ZKSCAN1: variants seen among roughly 807,000 people sequenced by gnomAD.
ZKSCAN1 encodes the protein zinc finger protein with KRAB and SCAN domains 1.
In ZKSCAN1, 14 loss-of-function variants were observed where a neutral mutation model predicts 51.6. That is an observed-to-expected ratio of 0.27 (90% confidence interval 0.18 to 0.42). The LOEUF is 0.42. Among genes scored for constraint, ZKSCAN1 ranks in the 10% least tolerant of loss-of-function variants. ZKSCAN1 has a pLI of 1.00. For synonymous variants in ZKSCAN1, 263 were observed against 261.5 expected, an observed-to-expected ratio of 1.01 and a Z score of -0.06; for missense variants, 531 against 710.0, an observed-to-expected ratio of 0.75 and a Z score of 2.86.
At chr7:100,016,880 C>T (rs910156202) in intron 1 of ZKSCAN1, 1 of 152,140 alleles carries the variant, frequency 6.6e-6, no homozygotes, top group African/African-American at 2.4e-5. Flanking sequence ...GTGGAGAAAT[C>T]GCTGTTTTAC....
rs2115977619 is a variant in ZKSCAN1 at position 100,038,482 on chromosome 7, G to A, written c.*4285G>A. The A allele has an allele frequency of 1.0e-6, 1 of 985,422 alleles. No homozygotes were observed. Among genetic ancestry groups the A allele is most frequent in the Middle Eastern group, 5.2e-4 (1 of 1,914 alleles). The allele number at this position is 985,422 out of a possible 1,614,324, so 61.0% of individuals were successfully genotyped here. A position where few individuals can be genotyped will look rare whatever the true frequency, so the allele number is the denominator to read the frequency against. On this transcript the variant is annotated 3_prime_UTR_variant, in exon 6 of 6. Coordinates refer to ENST00000324306, the MANE Select transcript of ZKSCAN1 (RefSeq NM_003439.4). ...ATGGAACAACTCCTTTAAACGTGCA[G>A]CCTTTTGAATTTTTCCTCAAAACCA...
chr7:100,042,995 T>C (rs1238421957), downstream of ZKSCAN1, among the ~76,000 whole-genome samples: 1 of 151,352 alleles, frequency 6.6e-6, no homozygotes, highest in African/African-American at 2.4e-5. Context: ...AGAGACGGGG[T>C]TTCATAGTGT....
In ZKSCAN1 at chr7:100,023,579, A is replaced by G. The variant is rs1192884873; in HGVS notation, c.73A>G (p.Ile25Val). ...QAAQEKDGIV[I>V]VKVEEEDEED... ...TGCACAGGAGAAGGATGGTATCGTA[A>G]TAGTGAAGGTGGAAGAGGAAGATGA... The change falls in exon 2 of 6, where the codon ATA becomes GTA. Residue 25 changes from isoleucine (I) to valine (V), a missense_variant. Coordinates refer to ENST00000324306, the MANE Select transcript of ZKSCAN1 (RefSeq NM_003439.4). The G allele has an allele frequency of 6.2e-7, 1 of 1,613,820 alleles. No homozygotes were observed.
rs375690931 is a variant in ZKSCAN1 at position 100,040,900 on chromosome 7, A to G, written c.*6703A>G. 2.0e-6 allele frequency: 2 copies of G among 983,156 alleles called. No individual in the cohort carries two copies. The highest frequency in any genetic ancestry group is 1.8e-5 in the African/African-American group (1 of 56,984). The allele number at this position is 983,156 out of a possible 1,614,324, so 60.9% of individuals were successfully genotyped here. ...CAGGGGTTCTTATTTGAAAACATCTATGATGGGGGTGGGGTGGGAGGAGAC... is the reference window on the plus strand; with the variant it reads ...CAGGGGTTCTTATTTGAAAACATCTGTGATGGGGGTGGGGTGGGAGGAGAC... On this transcript the variant is annotated 3_prime_UTR_variant, in exon 6 of 6. Coordinates refer to ENST00000324306, the MANE Select transcript of ZKSCAN1 (RefSeq NM_003439.4).
At chr7:100,020,834 G>A (rs1243726713) in intron 1 of ZKSCAN1, among the ~76,000 whole-genome samples, 1 of 152,122 alleles carries the variant, frequency 6.6e-6, no homozygotes, top group East Asian at 1.9e-4. Context: ...TCAATTTGAT[G>A]CTTAGTTTTG....
At position 100,021,734 on chromosome 7, in the gene ZKSCAN1, G is replaced by A. The variant is rs184682703; in HGVS notation, c.-88-1685G>A. ...TCCTGTAATTGCAGTTTCTCTATAA[G>A]AATCTTTTTTTTTTTTTTTTTCCTT... On this transcript the variant is annotated intron_variant, in intron 1 of 5. Coordinates refer to ENST00000324306, the MANE Select transcript of ZKSCAN1 (RefSeq NM_003439.4). 2.0e-5 allele frequency among the ~76,000 whole-genome samples: 3 copies of A among 149,338 alleles called. No individual in the cohort carries two copies. The East Asian group carries it at 5.9e-4, about 30-fold the overall frequency.
Position 100,036,725 on chromosome 7 carries a change from AAAAAG to A in ZKSCAN1, c.*2532_*2536del. The A allele has an allele frequency of 1.4e-5, 14 of 984,368 alleles. No individual in the cohort carries two copies. Among genetic ancestry groups the A allele is most frequent in the South Asian group, 4.7e-5 (1 of 21,266 alleles). 61.0% of individuals were successfully genotyped at this position (984,368 alleles called of 1,614,324 possible). A position where few individuals can be genotyped will look rare whatever the true frequency, so the allele number is the denominator to read the frequency against. On this transcript the variant is annotated 3_prime_UTR_variant, in exon 6 of 6. Transcript: ENST00000324306. ...AGCAAAACTCCATCTCAAAAAAAAA[AAAAAG>A]AAAGAAAGAAACTGAAAAGTGAGGT...
In ZKSCAN1 at chr7:100,037,613, GAAT is replaced by G; in HGVS notation, c.*3418_*3420del. On this transcript the variant is annotated 3_prime_UTR_variant, in exon 6 of 6. Transcript: ENST00000324306. ...AGCTTATACTGTAAATAAACTTGATGAATATTATATGTGAGGAAAACTTTCATG... is the reference window on the plus strand; with the variant it reads ...AGCTTATACTGTAAATAAACTTGATGATTATATGTGAGGAAAACTTTCATG... 1 of 985,440 alleles carries G rather than the reference GAAT, an allele frequency of 1.0e-6. No homozygotes were observed. Among genetic ancestry groups the G allele is most frequent in the South Asian group, 4.7e-5 (1 of 21,288 alleles). 61.0% of individuals were successfully genotyped at this position (985,440 alleles called of 1,614,324 possible). A position where few individuals can be genotyped will look rare whatever the true frequency, so the allele number is the denominator to read the frequency against.
At chr7:100,019,884 G>C (rs1285227132) in intron 1 of ZKSCAN1, among the ~76,000 whole-genome samples, 2 of 152,050 alleles carry the variant, frequency 1.3e-5, no homozygotes, top group Non-Finnish European at 2.9e-5. Flanking sequence ...TGTATTTTTA[G>C]TAGAGATGGG....
intron 1 of ZKSCAN1, among the ~76,000 whole-genome samples, chr7:100,022,299 C>T (rs569038240): frequency 2.6e-5 from 4 of 152,310 alleles, no homozygotes; most frequent in South Asian, 4.1e-4. Context: ...GTGATCCGCA[C>T]GCCTTGGCCT....
chr7:100,030,481 A>G (rs999556492), intron 5 of ZKSCAN1, 106 bp downstream of exon 5: 6 of 1,343,910 alleles, frequency 4.5e-6, no homozygotes, highest in East Asian at 2.5e-5. Context: ...GTTAGAGACT[A>G]CCTATCCCCT....
Position 100,034,141 on chromosome 7 carries a change from G to T in ZKSCAN1, c.1636G>T (p.Glu546Ter). 6.3e-7 allele frequency: 1 copy of T among 1,580,602 alleles called. No individual in the cohort carries two copies. Among genetic ancestry groups the T allele is most frequent in the Non-Finnish European group, 8.6e-7 (1 of 1,167,510 alleles). ...HRIHARERAS[E>*]YSPASLDAFG... The stretch of plus-strand genomic sequence containing the variant: ...AATCCATGCCAGAGAGAGAGCCTCT[G>T]AGTACAGCCCAGCCTCCCTTGATGC... The change falls in exon 6 of 6, where the codon GAG (glutamate) becomes TAG (stop). Residue 546 changes from glutamate to a stop codon, truncating the protein, a stop_gained. Transcript: ENST00000324306. LOFTEE classifies it high-confidence loss of function.
In ZKSCAN1 at chr7:100,039,733, G is replaced by C. The variant is rs1791514661; in HGVS notation, c.*5536G>C. 14 of 985,296 alleles carry C rather than the reference G, an allele frequency of 1.4e-5. No individual in the cohort carries two copies. The highest frequency in any genetic ancestry group is 1.7e-5 in the Non-Finnish European group (14 of 829,954). The allele number at this position is 985,296 out of a possible 1,614,324, so 61.0% of individuals were successfully genotyped here. A position where few individuals can be genotyped will look rare whatever the true frequency, so the allele number is the denominator to read the frequency against. The stretch of plus-strand genomic sequence containing the variant: ...TAAACAGTGACAGCAGTACTTCCCA[G>C]GGTGGGGGCCATATTTCTCTGTGTC... On this transcript the variant is annotated 3_prime_UTR_variant, in exon 6 of 6. Coordinates refer to ENST00000324306, the MANE Select transcript of ZKSCAN1 (RefSeq NM_003439.4).
At chr7:100,042,674 A>G (rs1303727408), downstream of ZKSCAN1, among the ~76,000 whole-genome samples, 1 of 151,742 alleles carries the variant, frequency 6.6e-6, no homozygotes, top group Non-Finnish European at 1.5e-5. Flanking sequence ...GGGATGGCTC[A>G]TAGGTCTCAT....
chr7:100,025,053 A>T (rs1188395845), intron 3 of ZKSCAN1: 2 of 151,972 alleles, frequency 1.3e-5, no homozygotes, highest in African/African-American at 4.8e-5. Context: ...CAGGAGTTAA[A>T]TGTTACTACG....
chr7:100,030,025 C>T (rs1791040153), intron 4 of ZKSCAN1, 73 bp downstream of exon 4: 2 of 1,543,008 alleles, frequency 1.3e-6, no homozygotes. Context: ...TCATTATCTC[C>T]ACAGGCCACT....
chr7:100,032,096 A>C (rs940664946), intron 5 of ZKSCAN1, among the ~76,000 whole-genome samples: 9 of 152,180 alleles, frequency 5.9e-5, no homozygotes, highest in Non-Finnish European at 1.0e-4. Context: ...AAAACAAAAC[A>C]AAGTTTCTTG....
chr7:100,044,785 A>C, downstream of ZKSCAN1: 1 of 985,210 alleles, frequency 1.0e-6, no homozygotes, highest in Non-Finnish European at 1.2e-6. Flanking sequence ...TTTCTTTAGC[A>C]AATGTCTTTG....
At position 100,035,706 on chromosome 7, in the gene ZKSCAN1, A is replaced by G. The variant is rs1384979295; in HGVS notation, c.*1509A>G. ...GTACTGAGATGTGGCTGGCTGTGCC[A>G]TCGTCATAGTGCACAGTGACTTTTC... is the stretch of plus-strand genomic sequence containing the variant. On this transcript the variant is annotated 3_prime_UTR_variant, in exon 6 of 6. Transcript: ENST00000324306. The G allele has an allele frequency of 2.9e-5, 9 of 314,770 alleles. No homozygotes were observed. Among genetic ancestry groups the G allele is most frequent in the Non-Finnish European group, 4.1e-5 (9 of 216,870 alleles). The allele number at this position is 314,770 out of a possible 1,614,324, so 19.5% of individuals were successfully genotyped here.
Sources: gnomAD v4.1 joint callset for allele counts (sites outside exome capture counted in the v4.1 genomes callset) on GRCh38, gnomAD v4.1.1 for gene constraint, MANE v1.5 for transcripts, NCBI Gene and HGNC (gene_info 2026-07-23, HGNC 2026-07-21) for gene names.